DNAJC5: variants seen among roughly 807,000 people sequenced by gnomAD.
DNAJC5 encodes dnaJ homolog subfamily C member 5.
Under a neutral mutation model 23.2 loss-of-function variants are expected in DNAJC5, and 1 was observed. That is an observed-to-expected ratio of 0.04 (90% CI 0.02 to 0.20). DNAJC5 has a LOEUF of 0.20. Ranked by LOEUF, DNAJC5 falls within the 10% of genes least tolerant of loss-of-function variation. DNAJC5 has a pLI of 1.00. For missense variants in DNAJC5, 180 were observed against 267.0 expected, an observed-to-expected ratio of 0.67 and a Z score of 2.27; for synonymous variants, 136 against 120.0, an observed-to-expected ratio of 1.13 and a Z score of -0.87.
intron 1 of DNAJC5, among the ~76,000 whole-genome samples, chr20:63,918,055 A>G (rs1211519650): frequency 3.9e-5 from 6 of 152,202 alleles, no homozygotes; most frequent in Non-Finnish European, 8.8e-5. Flanking sequence ...GGAATGTTCC[A>G]AGCAACTTGG....
At position 63,932,859 on chromosome 20, in the gene DNAJC5, GCAGC is replaced by G. The variant is rs2053685564; in HGVS notation, c.*1295_*1298del. ...CCATTGTGGGTCCCTTGGGAGGCCA[GCAGC>G]CAGACTACGGAATCCACATGTGGAC... is the stretch of plus-strand genomic sequence containing the variant. On this transcript the variant is annotated 3_prime_UTR_variant, in exon 5 of 5. Transcript: ENST00000360864. The surrounding 1 kb of genome is among the most constrained non-coding windows in gnomAD (Gnocchi z 4.4). The G allele has an allele frequency of 1.3e-5, 2 of 152,452 alleles. No homozygotes were observed. The highest frequency in any genetic ancestry group is 4.8e-5 in the African/African-American group (2 of 41,452). 9.4% of individuals were successfully genotyped at this position (152,452 alleles called of 1,614,324 possible).
Position 63,919,833 on chromosome 20 carries a change from C to T in DNAJC5, c.-11-8502C>T, listed in dbSNP as rs1236455897. On this transcript the variant is annotated intron_variant, in intron 1 of 4. Transcript: ENST00000360864. ...GCTGTGTGCACATGTGCCCAGGGCC[C>T]GGGACAGCGCCATGGAAGAGGACGC... The T allele has an allele frequency of 1.3e-4, 35 of 266,902 alleles. 1 individual carries two copies. Among genetic ancestry groups the T allele is most frequent in the South Asian group, 2.0e-4 (11 of 56,050 alleles). 16.5% of individuals were successfully genotyped at this position (266,902 alleles called of 1,614,324 possible). A position where few individuals can be genotyped will look rare whatever the true frequency, so the allele number is the denominator to read the frequency against.
rs543059118 is a variant in DNAJC5, at chr20:63,895,448, G to C, written c.-12+125G>C. 0.052 allele frequency: 7,729 copies of C among 147,384 alleles called. 398 individuals are homozygous for C. The highest frequency in any genetic ancestry group is 0.19 in the East Asian group (981 of 5,104). 9.1% of individuals were successfully genotyped at this position (147,384 alleles called of 1,614,324 possible). A position where few individuals can be genotyped will look rare whatever the true frequency, so the allele number is the denominator to read the frequency against. On this transcript the variant is annotated intron_variant, in intron 1 of 4. Coordinates refer to ENST00000360864, the MANE Select transcript of DNAJC5 (RefSeq NM_025219.3). Reference sequence around the variant, plus strand: ...CGGAAATGGCGGCGACCCCCGGGCCGGGGCTGCGCGGGCGCTCGGGGCCGG... The same window carrying C: ...CGGAAATGGCGGCGACCCCCGGGCCCGGGCTGCGCGGGCGCTCGGGGCCGG...
chr20:63,896,480 G>T (rs1017530430), intron 1 of DNAJC5, among the ~76,000 whole-genome samples: 1 of 152,180 alleles, frequency 6.6e-6, no homozygotes, highest in African/African-American at 2.4e-5. Context: ...GACACCCCTG[G>T]CGAGGGTGTT....
chr20:63,903,828 G>A (rs186750878), intron 1 of DNAJC5, among the ~76,000 whole-genome samples: 212 of 152,224 alleles, frequency 1.4e-3, no homozygotes, highest in African/African-American at 5.0e-3. Context: ...GCTGACACCT[G>A]TAACCCCAAC....
At chr20:63,915,520 G>C (rs2053510472) in intron 1 of DNAJC5, among the ~76,000 whole-genome samples, 1 of 152,068 alleles carries the variant, frequency 6.6e-6, no homozygotes, top group Non-Finnish European at 1.5e-5. Context: ...TTTTTAACCA[G>C]TGAAGGGTCG....
In DNAJC5 at chr20:63,932,356, GTTAT is replaced by G. The variant is rs1386394693; in HGVS notation, c.*791_*794del. ...GAGGTGTGTCCTTCGCCGTGTTGGG[GTTAT>G]TTGTCTGTGTTCCTGCACTTTTCCC... On this transcript the variant is annotated 3_prime_UTR_variant, in exon 5 of 5. Coordinates refer to ENST00000360864, the MANE Select transcript of DNAJC5 (RefSeq NM_025219.3). This position sits in a 1 kb window ranked among gnomAD's most constrained non-coding sequence, Gnocchi z 4.4. 3.3e-5 allele frequency: 5 copies of G among 152,828 alleles called. No homozygotes were observed. The highest frequency in any genetic ancestry group is 5.9e-5 in the Non-Finnish European group (4 of 68,112). 9.5% of individuals were successfully genotyped at this position (152,828 alleles called of 1,614,324 possible).
intron 1 of DNAJC5, among the ~76,000 whole-genome samples, chr20:63,925,953 G>A (rs978486132): frequency 8.0e-5 from 12 of 150,098 alleles, no homozygotes; most frequent in African/African-American, 2.7e-4. Flanking sequence ...TCAGCCTCCC[G>A]AGTAGCTGGG....
Position 63,930,904 on chromosome 20 carries a change from G to A in DNAJC5, c.375G>A (p.Leu125=), listed in dbSNP as rs1158539559. 1 of 1,614,062 alleles carries A rather than the reference G, an allele frequency of 6.2e-7. No individual in the cohort carries two copies. Among genetic ancestry groups the A allele is most frequent in the Non-Finnish European group, 8.5e-7 (1 of 1,180,038 alleles). Reference sequence around the variant, plus strand: ...CGTGCTGCTACTGCTGCTGCTGTCTGTGCTGCTGCTTCAACTGCTGCTGCG... The same window carrying A: ...CGTGCTGCTACTGCTGCTGCTGTCTATGCTGCTGCTTCAACTGCTGCTGCG... ...LLTCCYCCCC[L]CCCFNCCCGK... is the part of the protein sequence containing the mutation. Residue 125 remains leucine, a synonymous_variant, in exon 4 of 5, where the codon CTG becomes CTA. Transcript: ENST00000360864.
In DNAJC5 at chr20:63,929,454, C is replaced by T. The variant is rs777583663; in HGVS notation, c.250C>T (p.Leu84Phe). ...NIYDKYGSLG[L>F]YVAEQFGEEN... is the part of the protein sequence containing the mutation. The stretch of plus-strand genomic sequence containing the variant: ...CTACGACAAGTACGGCTCGCTGGGT[C>T]TCTACGTGGCCGAGCAGTTTGGGGA... The change falls in exon 3 of 5, where the codon CTC (leucine) becomes TTC (phenylalanine). Residue 84 changes from leucine (L) to phenylalanine (F), a missense_variant. By Grantham distance (22) the Leu-to-Phe change is conservative (BLOSUM62 0). Around this residue, in one of 3 missense-constraint regions of DNAJC5, gnomAD observed 6 missense variants for 36.8 expected, o/e 0.16. Transcript: ENST00000360864. The surrounding 1 kb of genome is among the most constrained non-coding windows in gnomAD (Gnocchi z 8.6). 6.2e-7 allele frequency: 1 copy of T among 1,614,178 alleles called. No homozygotes were observed. The highest frequency in any genetic ancestry group is 1.1e-5 in the South Asian group (1 of 91,084).
chr20:63,916,705 C>T (rs1162423604), intron 1 of DNAJC5, among the ~76,000 whole-genome samples: 4 of 152,112 alleles, frequency 2.6e-5, no homozygotes, highest in African/African-American at 7.2e-5. Context: ...GAGACCAGGG[C>T]GTATTTCAGT....
intron 1 of DNAJC5, among the ~76,000 whole-genome samples, chr20:63,904,325 G>T (rs1371709606): frequency 1.3e-5 from 2 of 152,138 alleles, no homozygotes; most frequent in African/African-American, 4.8e-5. Flanking sequence ...TTACGATGTG[G>T]TTTCTGTTGG....
rs1007128330 is a variant in DNAJC5, at chr20:63,920,428, G to A, written c.-11-7907G>A. Among the ~76,000 whole-genome samples, 2 of 135,670 alleles carry A rather than the reference G, an allele frequency of 1.5e-5. No homozygotes were observed. Among genetic ancestry groups the A allele is most frequent in the African/African-American group, 6.3e-5 (2 of 31,780 alleles). 89.0% of individuals were successfully genotyped at this position (135,670 alleles called of 152,430 possible). On this transcript the variant is annotated intron_variant, in intron 1 of 4. Coordinates refer to ENST00000360864, the MANE Select transcript of DNAJC5 (RefSeq NM_025219.3). This position sits in a 1 kb window ranked among gnomAD's most constrained non-coding sequence, Gnocchi z 4.6. ...TCGTCCGCCAACGTCTGGTGGGGAT[G>A]CCCGCCATGCGGGGGCCTCAGGCTA...
rs747451225 is a variant in DNAJC5, at chr20:63,931,066, C to G, written c.493+44C>G. 1 of 1,588,718 alleles carries G rather than the reference C, an allele frequency of 6.3e-7. No individual in the cohort carries two copies. The highest frequency in any genetic ancestry group is 8.6e-7 in the Non-Finnish European group (1 of 1,160,344). On this transcript the variant is annotated intron_variant, in intron 4 of 4. Coordinates refer to ENST00000360864, the MANE Select transcript of DNAJC5 (RefSeq NM_025219.3). This position sits in a 1 kb window ranked among gnomAD's most constrained non-coding sequence, Gnocchi z 9.6. The stretch of plus-strand genomic sequence containing the variant: ...GCCCGTGTGTGTGTGTGGGGCAGAG[C>G]CAGAATGGGCCCTGAATGGTGTCAA...
At position 63,931,161 on chromosome 20, in the gene DNAJC5, A is replaced by T. The variant is rs1173284366; in HGVS notation, c.493+139A>T. On this transcript the variant is annotated intron_variant, in intron 4 of 4. Coordinates refer to ENST00000360864, the MANE Select transcript of DNAJC5 (RefSeq NM_025219.3). This position sits in a 1 kb window ranked among gnomAD's most constrained non-coding sequence, Gnocchi z 9.6. ...TTTGTGGTGGCAGCTGGGACTGTTG[A>T]GGTGTGAACGTGGACCCTGAGGTAA... is the stretch of plus-strand genomic sequence containing the variant. The T allele has an allele frequency of 6.1e-6, 6 of 990,748 alleles. No homozygotes were observed. The highest frequency in any genetic ancestry group is 9.2e-6 in the Non-Finnish European group (6 of 648,884). The allele number at this position is 990,748 out of a possible 1,614,324, so 61.4% of individuals were successfully genotyped here. A position where few individuals can be genotyped will look rare whatever the true frequency, so the allele number is the denominator to read the frequency against.
At chr20:63,916,282 G>T (rs2053515123) in intron 1 of DNAJC5, among the ~76,000 whole-genome samples, 1 of 152,168 alleles carries the variant, frequency 6.6e-6, no homozygotes, top group Admixed American at 6.5e-5. Flanking sequence ...TTCAATGTAG[G>T]TTCTTTCTAT....
chr20:63,910,310 G>A (rs531119467), intron 1 of DNAJC5, among the ~76,000 whole-genome samples: 66 of 152,176 alleles, frequency 4.3e-4, no homozygotes, highest in African/African-American at 1.5e-3. Context: ...TTTGGGAGGC[G>A]GGGGTGGGCA....
chr20:63,920,353 G>C lies in DNAJC5; in HGVS notation c.-11-7982G>C, dbSNP rs1364302742. 2.6e-5 allele frequency among the ~76,000 whole-genome samples: 4 copies of C among 152,258 alleles called. No homozygotes were observed. The highest frequency in any genetic ancestry group is 5.9e-5 in the Non-Finnish European group (4 of 68,050). On this transcript the variant is annotated intron_variant, in intron 1 of 4. Transcript: ENST00000360864. This position sits in a 1 kb window ranked among gnomAD's most constrained non-coding sequence, Gnocchi z 4.6. ...GGAACAGGTAGTCCTGCGTCGGACC[G>C]GGAAGTGTGGTGGGTGTGGTGGGGG...
chr20:63,931,067 C>T lies in DNAJC5; in HGVS notation c.493+45C>T, dbSNP rs1253908617. ...CCCGTGTGTGTGTGTGGGGCAGAGCCAGAATGGGCCCTGAATGGTGTCAAC... is the reference window on the plus strand; with the variant it reads ...CCCGTGTGTGTGTGTGGGGCAGAGCTAGAATGGGCCCTGAATGGTGTCAAC... On this transcript the variant is annotated intron_variant, in intron 4 of 4. Transcript: ENST00000360864. The surrounding 1 kb of genome is among the most constrained non-coding windows in gnomAD (Gnocchi z 9.6). The T allele has an allele frequency of 4.4e-6, 7 of 1,590,894 alleles. No individual in the cohort carries two copies. Among genetic ancestry groups the T allele is most frequent in the Non-Finnish European group, 6.0e-6 (7 of 1,162,364 alleles).
Sources: gnomAD v4.1 joint callset for allele counts (sites outside exome capture counted in the v4.1 genomes callset) on GRCh38, gnomAD v4.1.1 for gene constraint, gnomAD v4.1.1 regional missense constraint, Gnocchi (gnomAD v3.1) non-coding constraint, MANE v1.5 for transcripts, NCBI Gene and HGNC (gene_info 2026-07-23, HGNC 2026-07-21) for gene names.